The following HACD3 variants were observed in gnomAD, a reference collection of about 807,000 sequenced individuals.
The protein encoded by HACD3 is 3-hydroxyacyl-CoA dehydratase 3.
HACD3 carries 30 observed loss-of-function variants against 55.2 expected under a neutral mutation model. That is an observed-to-expected ratio of 0.54 (90% confidence interval 0.41 to 0.74). The LOEUF is 0.74. Ranked by LOEUF, HACD3 falls within the 30% of genes least tolerant of loss-of-function variation. The pLI is 0.00. For missense variants in HACD3, 363 were observed against 440.1 expected (o/e 0.82, Z 1.57); for synonymous variants, 141 against 151.7 (o/e 0.93, Z 0.52).
chr15:65,576,088 T>C (rs2072398075), intron 10 of HACD3, among the ~76,000 whole-genome samples: 1 of 152,208 alleles, frequency 6.6e-6, no homozygotes, highest in Non-Finnish European at 1.5e-5. Flanking sequence ...AATGAGACCC[T>C]GTCGCAATAA....
chr15:65,549,773 A>G (rs2072114726), intron 1 of HACD3, among the ~76,000 whole-genome samples: 1 of 152,310 alleles, frequency 6.6e-6, no homozygotes. Flanking sequence ...ACACTTAGCT[A>G]AGTATTAATA....
chr15:65,551,529 A>G (rs928642169), intron 1 of HACD3, 147 bp from the exon 2 acceptor site: 1 of 881,608 alleles, frequency 1.1e-6, no homozygotes, highest in African/African-American at 1.7e-5. Context: ...AGAGATGTGA[A>G]TAAATGACTA....
At chr15:65,533,355 T>A (rs1475006069) in intron 1 of HACD3, among the ~76,000 whole-genome samples, 1 of 152,304 alleles carries the variant, frequency 6.6e-6, no homozygotes, top group East Asian at 1.9e-4. Flanking sequence ...GGGAGTTTCG[T>A]GGTTGGGTAT....
At chr15:65,548,745 T>G (rs1160662257) in intron 1 of HACD3, among the ~76,000 whole-genome samples, 1 of 151,970 alleles carries the variant, frequency 6.6e-6, no homozygotes, top group Non-Finnish European at 1.5e-5. Flanking sequence ...GCTAATTTTT[T>G]TATTTTTGTA....
chr15:65,533,353 C>T lies in HACD3; in HGVS notation c.87+2635C>T, dbSNP rs139947774. On this transcript the variant is annotated intron_variant, in intron 1 of 10. Coordinates refer to ENST00000261875, the MANE Select transcript of HACD3 (RefSeq NM_016395.4). ...ATCCTGTAAGAAAATATGGGAGTTT[C>T]GTGGTTGGGTATCTGAATAAATCTT... Among the ~76,000 whole-genome samples, 544 of 152,182 alleles carry T rather than the reference C, an allele frequency of 3.6e-3. 5 individuals carry two copies. The highest frequency in any genetic ancestry group is 0.012 in the African/African-American group (513 of 41,536).
intron 2 of HACD3, among the ~76,000 whole-genome samples, chr15:65,554,045 T>A (rs2072162264): frequency 6.6e-6 from 1 of 152,222 alleles, no homozygotes; most frequent in Admixed American, 6.5e-5. Context: ...CCATTTGGGA[T>A]GTGCTAAAGG....
At chr15:65,563,000 C>T (rs1192325332) in intron 6 of HACD3, 116 bp downstream of exon 6, 5 of 1,445,224 alleles carry the variant, frequency 3.5e-6, no homozygotes, top group Admixed American at 4.8e-5. Context: ...TTGTGCAGCA[C>T]CCTCTACTTT....
intron 1 of HACD3, among the ~76,000 whole-genome samples, chr15:65,535,088 C>T (rs552709508): frequency 1.3e-5 from 2 of 152,266 alleles, no homozygotes; most frequent in Non-Finnish European, 2.9e-5. Context: ...TAAGATCCTG[C>T]CTTATGCCAT....
chr15:65,551,776 G>A (rs878984487), intron 2 of HACD3, 58 bp downstream of exon 2: 2 of 1,584,214 alleles, frequency 1.3e-6, no homozygotes, highest in East Asian at 2.2e-5. Context: ...TGTGGTGGTG[G>A]TTTCCCTTTT....
At chr15:65,535,101 A>G (rs982838134) in intron 1 of HACD3, among the ~76,000 whole-genome samples, 4 of 152,228 alleles carry the variant, frequency 2.6e-5, no homozygotes, top group African/African-American at 9.6e-5. Context: ...TATGCCATAC[A>G]CAAAAATCAG....
chr15:65,547,348 C>T (rs2072088025), intron 1 of HACD3, among the ~76,000 whole-genome samples: 1 of 152,194 alleles, frequency 6.6e-6, no homozygotes, highest in South Asian at 2.1e-4. Context: ...AACTCCTGAC[C>T]TCATGATCCA....
At chr15:65,536,163 T>C (rs1382851034) in intron 1 of HACD3, among the ~76,000 whole-genome samples, 1 of 152,116 alleles carries the variant, frequency 6.6e-6, no homozygotes, top group African/African-American at 2.4e-5. Flanking sequence ...ACTGCAGGCA[T>C]GTGCCACTGT....
intron 1 of HACD3, among the ~76,000 whole-genome samples, chr15:65,532,954 T>A (rs2071917464): frequency 6.6e-6 from 1 of 152,192 alleles, no homozygotes. Flanking sequence ...ATTGGTAGAA[T>A]TGGAGTTGGA....
At chr15:65,536,285 A>G (rs1308710535) in intron 1 of HACD3, among the ~76,000 whole-genome samples, 1 of 151,942 alleles carries the variant, frequency 6.6e-6, no homozygotes, top group Non-Finnish European at 1.5e-5. Flanking sequence ...GGTTTGAGCC[A>G]CTGTGCCCAG....
At chr15:65,560,047 G>GT (rs1203554676) in intron 5 of HACD3, among the ~76,000 whole-genome samples, 2,269 of 141,888 alleles carry the variant, frequency 0.016, 24 homozygotes, top group African/African-American at 0.031. Flanking sequence ...AGGCTGTGTT[G>GT]TTTTTTTTTT....
rs367653111 is a variant in HACD3 at position 65,572,298 on chromosome 15, C to A, written c.944C>A (p.Pro315Gln). The A allele has an allele frequency of 6.2e-7, 1 of 1,613,172 alleles. No homozygotes were observed. Among genetic ancestry groups the A allele is most frequent in the African/African-American group, 1.3e-5 (1 of 74,886 alleles). Residue 315 changes from proline to glutamine, a missense_variant, in exon 10 of 11, where the codon CCA becomes CAA. By Grantham distance (76) the Pro-to-Gln change is moderately conservative. Transcript: ENST00000261875. ...ACCGGACGATTCAGTTTCACATTGC[C>A]ATATCCAGTGAAAATCAAAGTTAGA... ...NETGRFSFTLPYPVKIKVRFS... is the reference protein window; with the variant it reads ...NETGRFSFTLQYPVKIKVRFS...
At chr15:65,533,717 T>G (rs1596201521) in intron 1 of HACD3, among the ~76,000 whole-genome samples, 1 of 143,060 alleles carries the variant, frequency 7.0e-6, no homozygotes, top group Non-Finnish European at 1.5e-5. Flanking sequence ...TTGAAACCAG[T>G]GGTTTTACAT....
At chr15:65,542,227 C>CAAAAAAAAAAAA (rs527287203) in intron 1 of HACD3, among the ~76,000 whole-genome samples, 1 of 63,178 alleles carries the variant, frequency 1.6e-5, no homozygotes, top group African/African-American at 6.2e-5. Flanking sequence ...GACTCCATCT[C>CAAAAAAAAAAAA]AAAAAAAAAA....
At chr15:65,530,979 CTCT>C (rs1361143080) in intron 1 of HACD3, 3 of 455,462 alleles carry the variant, frequency 6.6e-6, no homozygotes, top group Non-Finnish European at 1.2e-5. Context: ...TACCCCGGGC[CTCT>C]TCTTTGTTCG....
Sources: gnomAD v4.1 joint callset for allele counts (sites outside exome capture counted in the v4.1 genomes callset) on GRCh38, gnomAD v4.1.1 for gene constraint, MANE v1.5 for transcripts, NCBI Gene and HGNC (gene_info 2026-07-23, HGNC 2026-07-21) for gene names.